ZCCHC24: variants seen among roughly 807,000 people sequenced by gnomAD.
The protein encoded by ZCCHC24 is zinc finger CCHC domain-containing protein 24.
A neutral mutation model predicts 26.2 loss-of-function variants in ZCCHC24; 10 were observed. That is an observed-to-expected ratio of 0.38 (90% CI 0.24 to 0.65). ZCCHC24 has a LOEUF of 0.65. Among genes scored for constraint, ZCCHC24 ranks in the 30% least tolerant of loss-of-function variants. ZCCHC24 has a pLI of 0.54. For synonymous variants in ZCCHC24, 144 were observed against 147.1 expected, an observed-to-expected ratio of 0.98 and a Z score of 0.15; for missense variants, 243 against 329.1, an observed-to-expected ratio of 0.74 and a Z score of 2.03.
chr10:79,417,094 C>G lies in ZCCHC24; in HGVS notation c.447+15464G>C, dbSNP rs75849051. On this transcript the variant is annotated intron_variant, in intron 2 of 3. Coordinates refer to ENST00000372336, the MANE Select transcript of ZCCHC24 (RefSeq NM_153367.4). ...ATTTTCTGCCAGCCTTCCCCCTCCC[C>G]GGGATCACAATCAAAAGAGAATACA... Among the ~76,000 whole-genome samples the G allele has an allele frequency of 8.6e-3, 1,306 of 152,268 alleles. 35 individuals are homozygous for G. The highest frequency in any genetic ancestry group is 0.082 in the East Asian group (422 of 5,168).
At chr10:79,432,058 G>C (rs1158096905) in intron 2 of ZCCHC24, among the ~76,000 whole-genome samples, 1 of 152,190 alleles carries the variant, frequency 6.6e-6, no homozygotes, top group Non-Finnish European at 1.5e-5. Context: ...CCCTATCCTG[G>C]GAGCACAGAG....
At chr10:79,442,154 C>T (rs1258631089) in intron 1 of ZCCHC24, among the ~76,000 whole-genome samples, 1 of 152,140 alleles carries the variant, frequency 6.6e-6, no homozygotes, top group Non-Finnish European at 1.5e-5. Context: ...TCGTTGTTGC[C>T]GTAGATCAGG....
At chr10:79,435,891 T>A (rs72820323) in intron 1 of ZCCHC24, among the ~76,000 whole-genome samples, 1 of 150,366 alleles carries the variant, frequency 6.7e-6, no homozygotes, top group Non-Finnish European at 1.5e-5. Flanking sequence ...GGGGACTGGA[T>A]GGAACAGAGG....
At chr10:79,399,870 TGC>T (rs1856607753) in intron 2 of ZCCHC24, among the ~76,000 whole-genome samples, 1 of 152,254 alleles carries the variant, frequency 6.6e-6, no homozygotes, top group Admixed American at 6.5e-5. Context: ...TTCCCATCCC[TGC>T]GTGAAATCTC....
At chr10:79,433,533 G>A (rs1857166788) in intron 1 of ZCCHC24, among the ~76,000 whole-genome samples, 1 of 152,254 alleles carries the variant, frequency 6.6e-6, no homozygotes, top group Admixed American at 6.5e-5. Flanking sequence ...GGGCTGCCTT[G>A]CATACTGGAA....
intron 2 of ZCCHC24, among the ~76,000 whole-genome samples, chr10:79,411,702 G>GGA (rs1308045577): frequency 1.3e-5 from 2 of 152,190 alleles, no homozygotes; most frequent in Admixed American, 6.5e-5. Context: ...GAGAGGCAGG[G>GGA]CCAAGCTCAG....
At chr10:79,440,679 C>G (rs2081117450) in intron 1 of ZCCHC24, among the ~76,000 whole-genome samples, 1 of 152,146 alleles carries the variant, frequency 6.6e-6, no homozygotes. Flanking sequence ...AAAATGGAAG[C>G]TATGAGGAAA....
At chr10:79,420,900 C>T (rs1244324707) in intron 2 of ZCCHC24, among the ~76,000 whole-genome samples, 1 of 152,226 alleles carries the variant, frequency 6.6e-6, no homozygotes, top group Non-Finnish European at 1.5e-5. Flanking sequence ...AAGCTCACAA[C>T]ATCCCATGAA....
At position 79,442,145 on chromosome 10, in the gene ZCCHC24, CG is replaced by C. The variant is rs992382318; in HGVS notation, c.246+3049del. ...TAGGAATCCCTTTCCAAAAATGTAT[CG>C]TTGTTGCCGTAGATCAGGTTTTTGA... is the stretch of plus-strand genomic sequence containing the variant. On this transcript the variant is annotated intron_variant, in intron 1 of 3. Coordinates refer to ENST00000372336, the MANE Select transcript of ZCCHC24 (RefSeq NM_153367.4). 3.3e-5 allele frequency among the ~76,000 whole-genome samples: 5 copies of C among 152,202 alleles called. No homozygotes were observed. The South Asian group carries it at 6.2e-4, about 19-fold the overall frequency.
At chr10:79,395,234 A>G (rs1856530218) in intron 2 of ZCCHC24, among the ~76,000 whole-genome samples, 1 of 151,750 alleles carries the variant, frequency 6.6e-6, no homozygotes, top group Admixed American at 6.6e-5. Flanking sequence ...ACTGAATAAT[A>G]CATCTTAGAG....
rs367831254 is a variant in ZCCHC24 at position 79,408,748 on chromosome 10, C to T, written c.448-14308G>A. On this transcript the variant is annotated intron_variant, in intron 2 of 3. Transcript: ENST00000372336. Reference sequence around the variant, plus strand: ...TTCAGGGCAGTCAACCATTCCCATTCCCAGTCTCTGACGGTTCACAGCCTA... The same window carrying T: ...TTCAGGGCAGTCAACCATTCCCATTTCCAGTCTCTGACGGTTCACAGCCTA... Among the ~76,000 whole-genome samples the T allele has an allele frequency of 2.6e-5, 4 of 152,142 alleles. No individual in the cohort carries two copies. The East Asian group carries it at 7.7e-4, about 29-fold the overall frequency.
intron 1 of ZCCHC24, among the ~76,000 whole-genome samples, chr10:79,436,997 GT>G (rs1339520681): frequency 6.6e-6 from 1 of 152,202 alleles, no homozygotes; most frequent in Non-Finnish European, 1.5e-5. Context: ...CTTCTCCAAG[GT>G]TTTTGCTTGG....
At chr10:79,432,530 A>G in intron 2 of ZCCHC24, 28 bp downstream of exon 2, 2 of 1,584,054 alleles carry the variant, frequency 1.3e-6, no homozygotes, top group Non-Finnish European at 8.6e-7. Flanking sequence ...GGAGCCCAAG[A>G]GCACCCCCTG....
chr10:79,425,346 ACTGGG>A (rs1857011653), intron 2 of ZCCHC24, among the ~76,000 whole-genome samples: 1 of 152,214 alleles, frequency 6.6e-6, no homozygotes, highest in Non-Finnish European at 1.5e-5. Flanking sequence ...GCCTGACTAA[ACTGGG>A]GCAGCAGACA....
At chr10:79,420,456 G>A (rs547164608) in intron 2 of ZCCHC24, among the ~76,000 whole-genome samples, 1 of 152,086 alleles carries the variant, frequency 6.6e-6, no homozygotes, top group African/African-American at 2.4e-5. Context: ...TCTCAAGCCA[G>A]TTTGAAACAG....
chr10:79,417,033 T>C (rs973432893), intron 2 of ZCCHC24, among the ~76,000 whole-genome samples: 5 of 152,248 alleles, frequency 3.3e-5, no homozygotes, highest in Admixed American at 2.6e-4. Context: ...TCACACTTGC[T>C]GAGCACTCAC....
Position 79,432,724 on chromosome 10 carries a change from G to T in ZCCHC24, c.281C>A (p.Pro94His). 8.1e-6 allele frequency: 13 copies of T among 1,610,444 alleles called. No homozygotes were observed. Among genetic ancestry groups the T allele is most frequent in the Non-Finnish European group, 1.1e-5 (13 of 1,178,712 alleles). The change falls in exon 2 of 4, where the codon CCC becomes CAC. Residue 94 changes from proline (P) to histidine (H), a missense_variant. Transcript: ENST00000372336. ...GGCGATGTTGTTGAGGGAGCCATAG[G>T]GTGAGGCGCCCTTGTACACACTGTT... The part of the protein sequence containing the change: ...LSNSVYKGAS[P>H]YGSLNNIADG...
intron 1 of ZCCHC24, chr10:79,444,041 C>T: frequency 6.6e-7 from 1 of 1,503,944 alleles, no homozygotes; most frequent in Admixed American, 2.3e-5. Flanking sequence ...CCCAGCACAC[C>T]CTTGCGTACA....
chr10:79,417,954 G>A (rs1398464098), intron 2 of ZCCHC24, among the ~76,000 whole-genome samples: 2 of 152,154 alleles, frequency 1.3e-5, no homozygotes, highest in African/African-American at 4.8e-5. Context: ...TGCCCCAGCT[G>A]GGCCACCTCC....
Sources: gnomAD v4.1 joint callset for allele counts (sites outside exome capture counted in the v4.1 genomes callset) on GRCh38, gnomAD v4.1.1 for gene constraint, MANE v1.5 for transcripts, NCBI Gene and HGNC (gene_info 2026-07-23, HGNC 2026-07-21) for gene names.